The following ZNF677 variants were observed in gnomAD, a reference collection of about 807,000 sequenced individuals.
ZNF677 encodes hypothetical protein MGC48625.
Under a neutral mutation model 8.1 loss-of-function variants are expected in ZNF677, and 5 were observed. That is an observed-to-expected ratio of 0.62 (90% confidence interval 0.32 to 1.29). The LOEUF (loss-of-function observed/expected upper bound fraction) is 1.29, where lower values mean the gene tolerates loss of function less well. ZNF677 is among the 50% of genes most tolerant of loss of function. ZNF677 has a pLI of 0.05. For missense variants in ZNF677, 685 were observed against 685.9 expected (o/e 1.00, Z 0.01); for synonymous variants, 221 against 225.6 (o/e 0.98, Z 0.18).
intron 3 of ZNF677, among the ~76,000 whole-genome samples, chr19:53,245,939 G>C (rs1156973643): frequency 6.6e-6 from 1 of 152,084 alleles, no homozygotes; most frequent in Non-Finnish European, 1.5e-5. Context: ...TTGAACCGGG[G>C]AGGCAGCAGT....
intron 3 of ZNF677, among the ~76,000 whole-genome samples, chr19:53,245,607 GAAAA>G (rs1269968920): frequency 6.6e-6 from 1 of 151,738 alleles, no homozygotes; most frequent in Non-Finnish European, 1.5e-5. Flanking sequence ...GACCACTAAA[GAAAA>G]AAAAGGACAA....
intron 3 of ZNF677, among the ~76,000 whole-genome samples, chr19:53,251,315 C>T (rs2091229766): frequency 6.6e-6 from 1 of 152,192 alleles, no homozygotes; most frequent in South Asian, 2.1e-4. Flanking sequence ...AGGCATAAAA[C>T]CCTTTCCAGA....
chr19:53,250,238 CACTT>C (rs1170160566), intron 3 of ZNF677, among the ~76,000 whole-genome samples: 2 of 152,138 alleles, frequency 1.3e-5, no homozygotes, highest in Admixed American at 6.5e-5. Flanking sequence ...GAAAAAGGAA[CACTT>C]ACACACCATT....
chr19:53,238,035 G>C lies in ZNF677; in HGVS notation c.692C>G (p.Pro231Arg), dbSNP rs1437441693. Residue 231 changes from proline (P) to arginine (R), a missense_variant, in exon 5 of 5, where the codon CCT (proline) becomes CGT (arginine). Pro to Arg is a moderately radical substitution (Grantham distance 103). Coordinates refer to ENST00000598513, the MANE Select transcript of ZNF677 (RefSeq NM_182609.4). The stretch of plus-strand genomic sequence containing the variant: ...TTTATTACAAATGTTTTTGACACAA[G>C]GAGGAAGTGGTGAAACTGAGGAACT... Reference protein sequence around the residue: ...INSSSVSPLPPCVKNICNKYR... With the variant: ...INSSSVSPLPRCVKNICNKYR... 8 of 1,613,878 alleles carry C rather than the reference G, an allele frequency of 5.0e-6. No individual in the cohort carries two copies. In the East Asian group the frequency reaches 1.8e-4, roughly 36 times the overall value.
chr19:53,254,677 C>A (rs2091287545), intron 1 of ZNF677, 157 bp downstream of exon 1: 1 of 152,484 alleles, frequency 6.6e-6, no homozygotes, highest in African/African-American at 2.4e-5. Flanking sequence ...TAGACCCTCT[C>A]GGAGCGACGG....
chr19:53,248,354 T>A (rs1212932032), intron 3 of ZNF677, among the ~76,000 whole-genome samples: 1 of 152,228 alleles, frequency 6.6e-6, no homozygotes, highest in Admixed American at 6.5e-5. Flanking sequence ...AAAAAGTTTT[T>A]AAAAAACCAG....
At chr19:53,240,934 G>A (rs184549282) in intron 4 of ZNF677, 3 of 152,048 alleles carry the variant, frequency 2.0e-5, no homozygotes, top group East Asian at 3.9e-4. Flanking sequence ...GTGCACGTGT[G>A]GGGGAACAGA....
At chr19:53,246,328 C>T (rs4803078) in intron 3 of ZNF677, among the ~76,000 whole-genome samples, 53,347 of 120,298 alleles carry the variant, frequency 0.44, 11,462 homozygotes, top group East Asian at 0.75. Context: ...AAAAAAAAAG[C>T]GACCATGATC....
At chr19:53,242,123 G>C (rs1290901663) in intron 4 of ZNF677, 1 of 395,096 alleles carries the variant, frequency 2.5e-6, no homozygotes, top group Non-Finnish European at 4.5e-6. Flanking sequence ...GTAGAGACGG[G>C]GTTTTTCCAT....
rs2091095397 is a variant in ZNF677 at position 53,243,878 on chromosome 19, T to A, written c.35A>T (p.Asp12Val). 1.2e-6 allele frequency: 2 copies of A among 1,603,242 alleles called. No homozygotes were observed. The highest frequency in any genetic ancestry group is 1.7e-6 in the Non-Finnish European group (2 of 1,176,502). Residue 12 changes from aspartate to valine, a missense_variant, in exon 4 of 5, where the codon GAT becomes GTT. Transcript: ENST00000598513. The part of the protein sequence containing the change: ...ALSQGLFTFK[D>V]VAIEFSQEEW... ...CTCTTGAGAGAATTCTATGGCCACA[T>A]CCTTGAATGTAAACAGTCCCTGAAA... is the stretch of plus-strand genomic sequence containing the variant.
At chr19:53,246,673 T>C (rs1599922108) in intron 3 of ZNF677, among the ~76,000 whole-genome samples, 1 of 152,148 alleles carries the variant, frequency 6.6e-6, no homozygotes, top group East Asian at 1.9e-4. Flanking sequence ...TATGAGGAAC[T>C]GAAAACAGTA....
intron 4 of ZNF677, chr19:53,241,071 C>T (rs1018480098): frequency 6.6e-6 from 1 of 151,958 alleles, no homozygotes; most frequent in Non-Finnish European, 1.5e-5. Flanking sequence ...ATAACTAATA[C>T]TATCCTTTAA....
At chr19:53,251,642 C>T (rs1254979224) in intron 2 of ZNF677, 37 bp from the exon 3 acceptor site, 13 of 1,485,188 alleles carry the variant, frequency 8.8e-6, no homozygotes, top group African/African-American at 2.8e-5. Flanking sequence ...TGCTTAAAAT[C>T]AACACACCCC....
At chr19:53,242,513 T>C (rs1225154335) in intron 4 of ZNF677, 1 of 397,436 alleles carries the variant, frequency 2.5e-6, no homozygotes, top group Admixed American at 4.4e-5. Flanking sequence ...GTCTTTACAT[T>C]AATGCTGAGT....
rs750700545 is a variant in ZNF677 at position 53,237,623 on chromosome 19, A to T, written c.1104T>A (p.Ile368=). Residue 368 remains isoleucine, a synonymous_variant, in exon 5 of 5, where the codon ATT becomes ATA. Coordinates refer to ENST00000598513, the MANE Select transcript of ZNF677 (RefSeq NM_182609.4). ...ATTTGTAAGGTTTCTCTCCAGTATG[A>T]ATTCTTTCATGACCCCAAAGGTGTG... is the stretch of plus-strand genomic sequence containing the variant. ...QRSHLWGHER[I]HTGEKPYKCN... The T allele has an allele frequency of 1.1e-5, 17 of 1,613,446 alleles. No individual in the cohort carries two copies. The African/African-American group carries it at 1.5e-4, about 14-fold the overall frequency.
chr19:53,244,548 G>T (rs2091106554), intron 3 of ZNF677, among the ~76,000 whole-genome samples: 1 of 152,150 alleles, frequency 6.6e-6, no homozygotes, highest in African/African-American at 2.4e-5. Context: ...ACCCAAATAG[G>T]TAAGTGACTT....
chr19:53,246,800 AC>A (rs904141693), intron 3 of ZNF677, among the ~76,000 whole-genome samples: 2 of 152,200 alleles, frequency 1.3e-5, no homozygotes. Context: ...CTCCTGAATA[AC>A]ACAGTGCTTA....
intron 3 of ZNF677, among the ~76,000 whole-genome samples, chr19:53,250,457 G>A (rs1424473305): frequency 1.3e-5 from 2 of 152,132 alleles, no homozygotes; most frequent in African/African-American, 4.8e-5. Context: ...ACTGAATAAA[G>A]AAAATGTGGT....
chr19:53,238,001 C>A lies in ZNF677; in HGVS notation c.726G>T (p.Lys242Asn). 1 of 1,613,202 alleles carries A rather than the reference C, an allele frequency of 6.2e-7. No homozygotes were observed. Among genetic ancestry groups the A allele is most frequent in the African/African-American group, 1.3e-5 (1 of 75,004 alleles). Residue 242 changes from lysine to asparagine, a missense_variant, in exon 5 of 5, where the codon AAG (lysine) becomes AAT (asparagine). Transcript: ENST00000598513. ...TATGTAATAAAGGGTATTTCAAAAT[C>A]TTCCTATATTTATTACAAATGTTTT... ...CVKNICNKYR[K>N]ILKYPLLHTQ...
Sources: gnomAD v4.1 joint callset for allele counts (sites outside exome capture counted in the v4.1 genomes callset) on GRCh38, gnomAD v4.1.1 for gene constraint, MANE v1.5 for transcripts, NCBI Gene and HGNC (gene_info 2026-07-23, HGNC 2026-07-21) for gene names.